Variants in KIF15 observed in about 807,000 individuals in gnomAD.
KIF15 encodes the protein kinesin family member 15, also known as kinesin-like protein KIF15.
KIF15 carries 140 observed loss-of-function variants against 190.6 expected under a neutral mutation model. That is an observed-to-expected ratio of 0.73 (90% CI 0.64 to 0.84). The LOEUF (loss-of-function observed/expected upper bound fraction) is 0.84. KIF15 is among the 40% of genes least tolerant of loss of function. The probability of loss-of-function intolerance (pLI) is 0.00; values close to 1 mark genes in which losing one functional copy is unlikely to be tolerated. For synonymous variants in KIF15, 528 were observed against 551.3 expected (o/e 0.96, Z 0.59); for missense variants, 1,372 against 1,584.4 (o/e 0.87, Z 2.28).
intron 5 of KIF15, 139 bp from the exon 6 acceptor site, chr3:44,784,706 C>T: frequency 5.0e-6 from 3 of 598,406 alleles, no homozygotes; most frequent in Non-Finnish European, 8.9e-6. Flanking sequence ...ATTTCTCTCA[C>T]AGACCTAGAT....
chr3:44,810,813 G>A, intron 16 of KIF15, 33 bp from the exon 17 acceptor site: 1 of 1,516,560 alleles, frequency 6.6e-7, no homozygotes, highest in Non-Finnish European at 9.0e-7. Context: ...TTAAATATGT[G>A]CTAATGTTTT....
intron 20 of KIF15, among the ~76,000 whole-genome samples, chr3:44,823,314 GT>G (rs1464901199): frequency 2.0e-5 from 3 of 152,176 alleles, no homozygotes; most frequent in Admixed American, 2.0e-4. Context: ...TCCAGACCCT[GT>G]TTGCCTGGGT....
chr3:44,784,842 T>C lies in KIF15; in HGVS notation c.362-3T>C. The C allele has an allele frequency of 6.7e-7, 1 of 1,484,544 alleles. No individual in the cohort carries two copies. The allele number at this position is 1,484,544 out of a possible 1,614,324, so 92.0% of individuals were successfully genotyped here. On this transcript the variant is annotated splice_region_variant and splice_polypyrimidine_tract_variant and intron_variant, in intron 5 of 34. Coordinates refer to ENST00000326047, the MANE Select transcript of KIF15 (RefSeq NM_020242.3). ...TCCAGTGTTTTTTTTTTCATTTTTT[T>C]AGGACCATCTGAATCTGATAATTTT...
chr3:44,840,061 T>C (rs895677541), intron 27 of KIF15, among the ~76,000 whole-genome samples: 4 of 152,226 alleles, frequency 2.6e-5, no homozygotes, highest in South Asian at 2.1e-4. Context: ...GACTGCTGGA[T>C]CATACAGTAG....
At chr3:44,844,379 C>G (rs1698750199) in intron 30 of KIF15, among the ~76,000 whole-genome samples, 1 of 152,126 alleles carries the variant, frequency 6.6e-6, no homozygotes, top group South Asian at 2.1e-4. Flanking sequence ...CACGTGCCTC[C>G]CTTTGTAGGT....
chr3:44,865,033 C>T, intron 6 of KIF15: 2 of 1,613,956 alleles, frequency 1.2e-6, no homozygotes, highest in Non-Finnish European at 1.7e-6. Flanking sequence ...CTATCTTTGT[C>T]TCGCAGGCCT....
At chr3:44,785,755 C>A (rs1205538492) in intron 6 of KIF15, among the ~76,000 whole-genome samples, 2 of 152,122 alleles carry the variant, frequency 1.3e-5, no homozygotes, top group Non-Finnish European at 2.9e-5. Flanking sequence ...ATAACACTTG[C>A]TTCAAATAAA....
chr3:44,768,063 C>T (rs1389447376), intron 1 of KIF15, among the ~76,000 whole-genome samples: 1 of 151,786 alleles, frequency 6.6e-6, no homozygotes, highest in Non-Finnish European at 1.5e-5. Flanking sequence ...ATCACAAAGT[C>T]AGGAGATCAA....
At chr3:44,808,593 C>CTT (rs1244748184) in intron 16 of KIF15, among the ~76,000 whole-genome samples, 11 of 132,276 alleles carry the variant, frequency 8.3e-5, no homozygotes, top group South Asian at 4.9e-4. Flanking sequence ...TATTGTTTTG[C>CTT]TTTTTTTTTT....
chr3:44,865,498 T>C lies in KIF15; in HGVS notation c.*60-7831T>C, dbSNP rs1321210179. ...ATGGTACTTGAAACCACGCTGTAATTATTGTCCTGTTGCCAAACAAAAGCC... is the reference window on the plus strand; with the variant it reads ...ATGGTACTTGAAACCACGCTGTAATCATTGTCCTGTTGCCAAACAAAAGCC... On this transcript the variant is annotated intron_variant and NMD_transcript_variant, in intron 6 of 6. Coordinates refer to the KIF15 transcript ENST00000422209. The C allele has an allele frequency of 1.3e-5, 4 of 308,510 alleles. No individual in the cohort carries two copies. The East Asian group carries it at 1.6e-4, about 12-fold the overall frequency. The allele number at this position is 308,510 out of a possible 1,614,324, so 19.1% of individuals were successfully genotyped here.
rs1292323919 is a variant in KIF15, at chr3:44,802,897, G to T, written c.1593G>T (p.Glu531Asp). 1 of 1,612,608 alleles carries T rather than the reference G, an allele frequency of 6.2e-7. No homozygotes were observed. The highest frequency in any genetic ancestry group is 8.5e-7 in the Non-Finnish European group (1 of 1,179,684). ...AGAATAGAAGACTGAGATTATTAGA[G>T]CCTGTGAAAAGAGCTCAAGAAATGG... ...REENRRLRLL[E>D]PVKRAQEMDA... Residue 531 changes from glutamate to aspartate, a missense_variant, in exon 14 of 35, where the codon GAG becomes GAT. By Grantham distance (45) the Glu-to-Asp change is conservative. Transcript: ENST00000326047.
intron 8 of KIF15, among the ~76,000 whole-genome samples, chr3:44,796,866 T>C (rs753738604): frequency 1.3e-3 from 201 of 152,316 alleles, no homozygotes; most frequent in Middle Eastern, 3.4e-3. Flanking sequence ...ATTATACCCT[T>C]AAATATTTTA....
chr3:44,863,432 A>G (rs559424460), intron 6 of KIF15: 2 of 152,010 alleles, frequency 1.3e-5, no homozygotes, highest in South Asian at 4.2e-4. Flanking sequence ...TTAAAAAAAA[A>G]GAAAGAAAAT....
At chr3:44,823,138 G>A (rs1004518434) in intron 20 of KIF15, among the ~76,000 whole-genome samples, 1 of 152,144 alleles carries the variant, frequency 6.6e-6, no homozygotes, top group Non-Finnish European at 1.5e-5. Context: ...CCCCATTTTT[G>A]TGGTTTTATC....
chr3:44,844,704 C>T (rs531228522), intron 30 of KIF15, among the ~76,000 whole-genome samples: 1 of 152,174 alleles, frequency 6.6e-6, no homozygotes, highest in Non-Finnish European at 1.5e-5. Flanking sequence ...CTTCATCAGA[C>T]GATTGAGCTT....
At chr3:44,858,567 G>A (rs59103251) in intron 6 of KIF15, among the ~76,000 whole-genome samples, 1,768 of 152,264 alleles carry the variant, frequency 0.012, 31 homozygotes, top group African/African-American at 0.039. Flanking sequence ...GAGGCTTTCG[G>A]TTGGGAAGAA....
chr3:44,833,769 A>G (rs1698182312), intron 26 of KIF15, among the ~76,000 whole-genome samples: 1 of 152,186 alleles, frequency 6.6e-6, no homozygotes, highest in South Asian at 2.1e-4. Context: ...GAGGTAATAC[A>G]TGGAAAGTGC....
intron 25 of KIF15, among the ~76,000 whole-genome samples, chr3:44,830,364 A>G (rs1165143298): frequency 6.6e-6 from 1 of 152,200 alleles, no homozygotes; most frequent in East Asian, 1.9e-4. Flanking sequence ...GTATAAACTG[A>G]ATAAGAAACA....
At chr3:44,799,236 G>T (rs971875075) in intron 10 of KIF15, 1 of 456,618 alleles carries the variant, frequency 2.2e-6, no homozygotes, top group Non-Finnish European at 4.4e-6. Context: ...ACTGGAAATG[G>T]CTGCTTAACA....
Sources: allele counts gnomAD v4.1 joint callset (sites outside exome capture counted in the v4.1 genomes callset), GRCh38; gene constraint gnomAD v4.1.1; transcripts MANE v1.5; gene names NCBI Gene and HGNC (gene_info 2026-07-23, HGNC 2026-07-21).